Variants in ITGB8 observed in about 807,000 individuals in gnomAD.
ITGB8 encodes integrin beta-8.
A neutral mutation model predicts 89.5 loss-of-function variants in ITGB8; 30 were observed. The observed-to-expected ratio is 0.34, with a 90% confidence interval of 0.25 to 0.45. The LOEUF (loss-of-function observed/expected upper bound fraction) is 0.45. Ranked by LOEUF, ITGB8 falls within the 20% of genes least tolerant of loss-of-function variation. ITGB8 has a pLI of 1.00. For synonymous variants in ITGB8, 335 were observed against 320.4 expected, an observed-to-expected ratio of 1.05 and a Z score of -0.49; for missense variants, 836 against 933.3, an observed-to-expected ratio of 0.90 and a Z score of 1.36.
intron 3 of ITGB8, among the ~76,000 whole-genome samples, chr7:20,374,896 C>T (rs987606369): frequency 2.0e-5 from 3 of 151,804 alleles, no homozygotes; most frequent in East Asian, 1.9e-4. Context: ...AGGATCGACT[C>T]GGTGGTATAG....
chr7:20,396,660 A>G (rs2127978088), intron 8 of ITGB8, among the ~76,000 whole-genome samples: 1 of 152,324 alleles, frequency 6.6e-6, no homozygotes, highest in Middle Eastern at 3.4e-3. Flanking sequence ...ATTCATTCCC[A>G]TCAGTAGTCT....
chr7:20,397,899 T>C (rs1352516776), intron 8 of ITGB8, among the ~76,000 whole-genome samples: 1 of 152,228 alleles, frequency 6.6e-6, no homozygotes, highest in Non-Finnish European at 1.5e-5. Flanking sequence ...ATTATTTTTC[T>C]TTTCATAACC....
intron 1 of ITGB8, among the ~76,000 whole-genome samples, chr7:20,335,063 T>C (rs911930818): frequency 3.3e-5 from 5 of 152,234 alleles, no homozygotes; most frequent in African/African-American, 9.6e-5. Context: ...TTCTTTCATC[T>C]GTGCTCCTGC....
At chr7:20,335,050 A>C (rs1784530740) in intron 1 of ITGB8, among the ~76,000 whole-genome samples, 1 of 152,212 alleles carries the variant, frequency 6.6e-6, no homozygotes, top group African/African-American at 2.4e-5. Context: ...ACTCAAAGCC[A>C]ACTTCTTTCA....
intron 11 of ITGB8, 85 bp from the exon 12 acceptor site, chr7:20,405,975 ATT>A (rs1787523848): frequency 2.5e-6 from 2 of 792,130 alleles, no homozygotes; most frequent in Non-Finnish European, 4.3e-6. Context: ...CTGCATTGTT[ATT>A]TTGTCTTTTT....
chr7:20,394,956 C>T lies in ITGB8; in HGVS notation c.1117C>T (p.Leu373Phe). 1.2e-6 allele frequency: 2 copies of T among 1,613,112 alleles called. No individual in the cohort carries two copies. Among genetic ancestry groups the T allele is most frequent in the Non-Finnish European group, 1.7e-6 (2 of 1,179,180 alleles). Reference sequence around the variant, plus strand: ...TGAAATAGAATCAAAGGCTGCAAACCTCAATAATTTGGTAGTGGAAGCCTA... The same window carrying T: ...TGAAATAGAATCAAAGGCTGCAAACTTCAATAATTTGGTAGTGGAAGCCTA... Reference protein sequence around the residue: ...AGEIESKAANLNNLVVEAYQK... With the variant: ...AGEIESKAANFNNLVVEAYQK... Residue 373 changes from leucine to phenylalanine, a missense_variant, in exon 8 of 14, where the codon CTC (leucine) becomes TTC (phenylalanine). Physicochemically the swap from Leu to Phe is conservative, Grantham distance 22. This residue lies in a region of ITGB8 where 192 missense variants were observed against 267.1 expected (regional missense o/e 0.72). Transcript: ENST00000222573.
chr7:20,396,635 T>C (rs888826515), intron 8 of ITGB8, among the ~76,000 whole-genome samples: 2 of 152,100 alleles, frequency 1.3e-5, no homozygotes, highest in African/African-American at 4.8e-5. Context: ...TCACAGAAAA[T>C]CAAATGTGTC....
intron 7 of ITGB8, among the ~76,000 whole-genome samples, chr7:20,394,124 T>C (rs553327999): frequency 3.9e-5 from 6 of 152,364 alleles, no homozygotes; most frequent in Admixed American, 1.3e-4. Context: ...GTTGTTAGTG[T>C]CTAAGTAATG....
chr7:20,374,319 G>T (rs980665666), intron 3 of ITGB8, among the ~76,000 whole-genome samples: 5 of 152,142 alleles, frequency 3.3e-5, no homozygotes, highest in Admixed American at 6.5e-5. Context: ...GGGGGACTAT[G>T]TATGTGCCAA....
At chr7:20,355,641 G>A (rs1231450664) in intron 1 of ITGB8, among the ~76,000 whole-genome samples, 1 of 152,154 alleles carries the variant, frequency 6.6e-6, no homozygotes, top group African/African-American at 2.4e-5. Flanking sequence ...ATTATTTAGA[G>A]AAAATAGTTT....
At chr7:20,362,414 C>A (rs1344580828) in intron 1 of ITGB8, among the ~76,000 whole-genome samples, 1 of 152,224 alleles carries the variant, frequency 6.6e-6, no homozygotes, top group South Asian at 2.1e-4. Context: ...AAGGGATGAA[C>A]TTGGATTAGA....
chr7:20,390,624 T>G (rs1412158238), intron 6 of ITGB8, among the ~76,000 whole-genome samples: 1 of 152,096 alleles, frequency 6.6e-6, no homozygotes, highest in African/African-American at 2.4e-5. Flanking sequence ...TAATGATAAG[T>G]TGAGAAATCT....
intron 2 of ITGB8, among the ~76,000 whole-genome samples, chr7:20,363,946 G>T (rs1301078295): frequency 1.3e-5 from 2 of 152,162 alleles, no homozygotes; most frequent in Non-Finnish European, 2.9e-5. Flanking sequence ...TTGAAATGAA[G>T]TGCAAACCAT....
intron 12 of ITGB8, among the ~76,000 whole-genome samples, chr7:20,408,377 CAAAAAA>C (rs3032573): frequency 1.0e-5 from 1 of 97,286 alleles, no homozygotes; most frequent in Non-Finnish European, 2.4e-5. Flanking sequence ...TACCTTATCA[CAAAAAA>C]AAAAAAAAAA....
At chr7:20,405,672 AATAAGTGAT>A (rs1454372628) in intron 11 of ITGB8, among the ~76,000 whole-genome samples, 14 of 152,066 alleles carry the variant, frequency 9.2e-5, no homozygotes, top group African/African-American at 3.1e-4. Flanking sequence ...ACACCCTAGA[AATAAGTGAT>A]ATATAAATGA....
chr7:20,362,845 C>G (rs1785556022), intron 1 of ITGB8, among the ~76,000 whole-genome samples: 1 of 152,106 alleles, frequency 6.6e-6, no homozygotes, highest in Non-Finnish European at 1.5e-5. Context: ...ACTAATGAGC[C>G]TTATTTTAAT....
Position 20,414,998 on chromosome 7 carries a change from A to C in ITGB8, c.*5001A>C, listed in dbSNP as rs1348518177. The C allele has an allele frequency of 1.3e-5, 2 of 149,316 alleles. No individual in the cohort carries two copies. The highest frequency in any genetic ancestry group is 4.9e-5 in the African/African-American group (2 of 40,424). 9.2% of individuals were successfully genotyped at this position (149,316 alleles called of 1,614,324 possible). ...TAATACAGCAATATTTAAAAAAAAA[A>C]CACTGCAATTGTCAAGGATGGAAAA... On this transcript the variant is annotated 3_prime_UTR_variant, in exon 14 of 14. Transcript: ENST00000222573.
intron 7 of ITGB8, among the ~76,000 whole-genome samples, chr7:20,392,375 T>A (rs1786896783): frequency 6.6e-6 from 1 of 152,184 alleles, no homozygotes; most frequent in Non-Finnish European, 1.5e-5. Flanking sequence ...GAAATTACAT[T>A]TTCTTGGCTT....
intron 2 of ITGB8, 63 bp from the exon 3 acceptor site, chr7:20,366,949 C>A (rs1562671405): frequency 8.9e-7 from 1 of 1,126,406 alleles, no homozygotes; most frequent in East Asian, 2.5e-5. Context: ...TTTGCTATGT[C>A]ATTTTCTTTG....
Sources: allele counts gnomAD v4.1 joint callset (sites outside exome capture counted in the v4.1 genomes callset), GRCh38; gene constraint gnomAD v4.1.1; regional missense constraint gnomAD v4.1.1; transcripts MANE v1.5; gene names NCBI Gene and HGNC (gene_info 2026-07-23, HGNC 2026-07-21).